Variants in SEPTIN9 observed in about 807,000 individuals in gnomAD.
SEPTIN9 encodes the protein septin 9.
In SEPTIN9, 13 loss-of-function variants were observed where a neutral mutation model predicts 56.6. The ratio of observed to expected loss-of-function variants is 0.23; its 90% CI spans 0.15 to 0.37. The LOEUF (loss-of-function observed/expected upper bound fraction) is 0.37, where lower values mean the gene tolerates loss of function less well. SEPTIN9 is among the 10% of genes least tolerant of loss of function. The probability of loss-of-function intolerance (pLI) is 1.00; values close to 1 mark genes in which losing one functional copy is unlikely to be tolerated. For synonymous variants in SEPTIN9, 332 were observed against 334.1 expected, an observed-to-expected ratio of 0.99 and a Z score of 0.07; for missense variants, 650 against 823.1, an observed-to-expected ratio of 0.79 and a Z score of 2.57.
chr17:77,373,086 G>A, intron 2 of SEPTIN9: 1 of 634,412 alleles, frequency 1.6e-6, no homozygotes, highest in Non-Finnish European at 2.0e-6. Context: ...AGGGGCTGAG[G>A]CCGCGTCTCT....
intron 3 of SEPTIN9, among the ~76,000 whole-genome samples, chr17:77,461,897 C>T (rs1175858430): frequency 6.6e-6 from 1 of 152,164 alleles, no homozygotes. Flanking sequence ...TCGTTCCAGT[C>T]CCGAGACCCA....
chr17:77,283,245 C>G (rs2031121371), intron 1 of SEPTIN9, among the ~76,000 whole-genome samples: 1 of 150,028 alleles, frequency 6.7e-6, no homozygotes, highest in South Asian at 2.1e-4. Flanking sequence ...GGAACCAACT[C>G]TTGTACAGCA....
rs1029328545 is a variant in SEPTIN9 at position 77,402,978 on chromosome 17, C to T, written c.721+275C>T. ...TCAAGGAGCCTCCTTTATGGGTCACCGTGGGCCTTGCTGGGACCTCTGTCT... is the reference window on the plus strand; with the variant it reads ...TCAAGGAGCCTCCTTTATGGGTCACTGTGGGCCTTGCTGGGACCTCTGTCT... On this transcript the variant is annotated intron_variant, in intron 3 of 11. Transcript: ENST00000427177. This position sits in a 1 kb window ranked among gnomAD's most constrained non-coding sequence, Gnocchi z 6.6. Among the ~76,000 whole-genome samples, 7 of 152,090 alleles carry T rather than the reference C, an allele frequency of 4.6e-5. No individual in the cohort carries two copies. Among genetic ancestry groups the T allele is most frequent in the African/African-American group, 1.7e-4 (7 of 41,412 alleles).
intron 2 of SEPTIN9, among the ~76,000 whole-genome samples, chr17:77,386,866 G>T (rs78655390): frequency 6.6e-6 from 1 of 152,236 alleles, no homozygotes; most frequent in Non-Finnish European, 1.5e-5. Context: ...AGAGGGGTCA[G>T]TTCTCTCCAG....
chr17:77,412,572 G>T (rs2144159071), intron 3 of SEPTIN9, among the ~76,000 whole-genome samples: 1 of 152,106 alleles, frequency 6.6e-6, no homozygotes, highest in South Asian at 2.1e-4. Context: ...CCGCATCTCT[G>T]CAAAAATTAG....
rs1018561854 is a variant in SEPTIN9 at position 77,492,085 on chromosome 17, C to T, written c.1381-536C>T. On this transcript the variant is annotated intron_variant, in intron 8 of 11. Transcript: ENST00000427177. This position sits in a 1 kb window ranked among gnomAD's most constrained non-coding sequence, Gnocchi z 5.4. ...GGCCAGGTGTCAGGGACCTTCCCAG[C>T]ATGTGCAGGGGAAGACAGTCCACAC... Among the ~76,000 whole-genome samples the T allele has an allele frequency of 1.3e-5, 2 of 152,132 alleles. No homozygotes were observed. Among genetic ancestry groups the T allele is most frequent in the Admixed American group, 1.3e-4 (2 of 15,282 alleles).
In SEPTIN9 at chr17:77,402,616, G is replaced by A. The variant is rs1386853974; in HGVS notation, c.634G>A (p.Glu212Lys). 7 of 1,613,064 alleles carry A rather than the reference G, an allele frequency of 4.3e-6. No homozygotes were observed. In the East Asian group the frequency reaches 6.7e-5, roughly 15 times the overall value. The change falls in exon 3 of 12, where the codon GAG (glutamate) becomes AAG (lysine). Residue 212 changes from glutamate to lysine, a missense_variant. This residue lies in a region of SEPTIN9 where 317 missense variants were observed against 329.1 expected (regional missense o/e 0.96). Coordinates refer to ENST00000427177, the MANE Select transcript of SEPTIN9 (RefSeq NM_001113491.2). This position sits in a 1 kb window ranked among gnomAD's most constrained non-coding sequence, Gnocchi z 6.6. ...PSPAQTLENS[E>K]PAPVSQLQSR... The stretch of plus-strand genomic sequence containing the variant: ...CCCAGCCCAGACCTTGGAGAATTCA[G>A]AGCCTGCCCCTGTGTCTCAGCTGCA...
intron 3 of SEPTIN9, among the ~76,000 whole-genome samples, chr17:77,479,000 A>T (rs1598438164): frequency 6.6e-6 from 1 of 152,246 alleles, no homozygotes; most frequent in South Asian, 2.1e-4. Flanking sequence ...AAACAGCAGA[A>T]TGGAGGTTGC....
At chr17:77,460,560 G>A (rs931824000) in intron 3 of SEPTIN9, among the ~76,000 whole-genome samples, 9 of 152,184 alleles carry the variant, frequency 5.9e-5, no homozygotes, top group African/African-American at 1.9e-4. Context: ...TTGGGATACG[G>A]GGAGCGAGAG....
Position 77,405,244 on chromosome 17 carries a change from G to A in SEPTIN9, c.721+2541G>A. The A allele has an allele frequency of 1.0e-6, 1 of 963,852 alleles. No individual in the cohort carries two copies. The highest frequency in any genetic ancestry group is 1.5e-6 in the Non-Finnish European group (1 of 652,606). The allele number at this position is 963,852 out of a possible 1,614,324, so 59.7% of individuals were successfully genotyped here. A position where few individuals can be genotyped will look rare whatever the true frequency, so the allele number is the denominator to read the frequency against. On this transcript the variant is annotated intron_variant, in intron 3 of 11. Coordinates refer to ENST00000427177, the MANE Select transcript of SEPTIN9 (RefSeq NM_001113491.2). The surrounding 1 kb of genome is among the most constrained non-coding windows in gnomAD (Gnocchi z 5.8). Reference sequence around the variant, plus strand: ...AGACTGTGCCGGGAGCCAGGCCCAGGGACACAACCTGCGGGCTCTGCTTTC... The same window carrying A: ...AGACTGTGCCGGGAGCCAGGCCCAGAGACACAACCTGCGGGCTCTGCTTTC...
chr17:77,472,305 T>C, intron 3 of SEPTIN9, among the ~76,000 whole-genome samples: 1 of 152,104 alleles, frequency 6.6e-6, no homozygotes, highest in East Asian at 1.9e-4. Flanking sequence ...TGAGATTCCT[T>C]CCTCCACAAT....
intron 4 of SEPTIN9, among the ~76,000 whole-genome samples, chr17:77,485,244 T>TGTGGTGGTGGTAATG (rs1295980509): frequency 9.4e-6 from 1 of 106,908 alleles, no homozygotes; most frequent in Non-Finnish European, 1.9e-5. Flanking sequence ...TGGTGGTGAT[T>TGTGGTGGTGGTAATG]GTGATGGTGG....
intron 2 of SEPTIN9, among the ~76,000 whole-genome samples, chr17:77,391,513 C>T (rs113692486): frequency 3.0e-3 from 461 of 152,286 alleles, no homozygotes; most frequent in South Asian, 5.2e-3. Context: ...GGATTTAGGG[C>T]CCACTAAATT....
intron 7 of SEPTIN9, among the ~76,000 whole-genome samples, chr17:77,490,067 G>A (rs1263714589): frequency 3.9e-5 from 6 of 152,206 alleles, no homozygotes; most frequent in Non-Finnish European, 8.8e-5. Flanking sequence ...GCCTGGTCCC[G>A]CCCAAGGCGT....
At position 77,371,243 on chromosome 17, in the gene SEPTIN9, C is replaced by T. The variant is rs888748042; in HGVS notation, c.77-30816C>T. Among the ~76,000 whole-genome samples, 10 of 152,142 alleles carry T rather than the reference C, an allele frequency of 6.6e-5. No individual in the cohort carries two copies. In the South Asian group the frequency reaches 1.0e-3, roughly 16 times the overall value. On this transcript the variant is annotated intron_variant, in intron 2 of 11. Coordinates refer to ENST00000427177, the MANE Select transcript of SEPTIN9 (RefSeq NM_001113491.2). The surrounding 1 kb of genome is among the most constrained non-coding windows in gnomAD (Gnocchi z 4.1). ...AGCCGGTGGGCTCTGAGCACAGTCA[C>T]GAAGGCATGCGCACTTTCTGGCTGC...
intron 3 of SEPTIN9, chr17:77,466,381 A>G (rs756512962): frequency 9.1e-5 from 90 of 985,036 alleles, no homozygotes; most frequent in Non-Finnish European, 1.1e-4. Flanking sequence ...ATATGAATGT[A>G]GCTCCTTCCC....
chr17:77,383,675 G>A (rs1445891638), intron 2 of SEPTIN9, among the ~76,000 whole-genome samples: 4 of 152,238 alleles, frequency 2.6e-5, no homozygotes, highest in African/African-American at 7.2e-5. Flanking sequence ...TACCTGGCTG[G>A]TACTTTGGGT....
Position 77,487,386 on chromosome 17 carries a change from C to T in SEPTIN9, c.914-38C>T, listed in dbSNP as rs777637222. On this transcript the variant is annotated intron_variant, in intron 4 of 11. Coordinates refer to ENST00000427177, the MANE Select transcript of SEPTIN9 (RefSeq NM_001113491.2). The surrounding 1 kb of genome is among the most constrained non-coding windows in gnomAD (Gnocchi z 4.3). ...CATGTGCAGACCCTGCTGGTCTCTC[C>T]GGAGAGACCCCTGACCGGCCTCCCA... 30 of 1,569,906 alleles carry T rather than the reference C, an allele frequency of 1.9e-5. No homozygotes were observed. Among genetic ancestry groups the T allele is most frequent in the Non-Finnish European group, 2.2e-5 (26 of 1,158,696 alleles).
At position 77,436,557 on chromosome 17, in the gene SEPTIN9, C is replaced by T. The variant is rs1356511737; in HGVS notation, c.721+33854C>T. Reference sequence around the variant, plus strand: ...CACTTCCTTTGCCATGGGCCCCCTCCTCCACGCAGACCCTCAGCCTGGAAT... The same window carrying T: ...CACTTCCTTTGCCATGGGCCCCCTCTTCCACGCAGACCCTCAGCCTGGAAT... On this transcript the variant is annotated intron_variant, in intron 3 of 11. Transcript: ENST00000427177. This position sits in a 1 kb window ranked among gnomAD's most constrained non-coding sequence, Gnocchi z 4.4. 6.6e-6 allele frequency among the ~76,000 whole-genome samples: 1 copy of T among 152,254 alleles called. No individual in the cohort carries two copies. The highest frequency in any genetic ancestry group is 2.4e-5 in the African/African-American group (1 of 41,470).
Sources: allele counts gnomAD v4.1 joint callset (sites outside exome capture counted in the v4.1 genomes callset), GRCh38; gene constraint gnomAD v4.1.1; regional missense constraint gnomAD v4.1.1; non-coding constraint Gnocchi (gnomAD v3.1); transcripts MANE v1.5; gene names NCBI Gene and HGNC (gene_info 2026-07-23, HGNC 2026-07-21).